The following SLC2A13 variants were observed in gnomAD, a reference collection of about 807,000 sequenced individuals.
SLC2A13 encodes the protein proton myo-inositol cotransporter.
A neutral mutation model predicts 64.4 loss-of-function variants in SLC2A13; 32 were observed. The ratio of observed to expected loss-of-function variants is 0.50; its 90% confidence interval spans 0.37 to 0.67. The LOEUF is 0.67. SLC2A13 is among the 30% of genes least tolerant of loss of function. The probability of loss-of-function intolerance (pLI) is 0.00; values close to 1 mark genes in which losing one functional copy is unlikely to be tolerated. For synonymous variants in SLC2A13, 338 were observed against 327.1 expected (o/e 1.03, Z -0.36); for missense variants, 743 against 829.2 (o/e 0.90, Z 1.28).
At chr12:40,099,849 A>G (rs1216718824) in intron 1 of SLC2A13, among the ~76,000 whole-genome samples, 2 of 152,144 alleles carry the variant, frequency 1.3e-5, no homozygotes, top group Non-Finnish European at 2.9e-5. Flanking sequence ...AATCCAATAC[A>G]GAATTCCTGC....
intron 6 of SLC2A13, among the ~76,000 whole-genome samples, chr12:39,838,606 A>T (rs987265590): frequency 5.9e-5 from 9 of 152,036 alleles, no homozygotes; most frequent in Non-Finnish European, 1.3e-4. Context: ...AAACCTAAAA[A>T]TGCTTCCAAT....
intron 3 of SLC2A13, among the ~76,000 whole-genome samples, chr12:39,973,487 C>T (rs1946704465): frequency 6.6e-6 from 1 of 152,166 alleles, no homozygotes; most frequent in South Asian, 2.1e-4. Flanking sequence ...CTCATGACTC[C>T]CAAATCAACA....
At chr12:39,986,412 G>A (rs148156320) in intron 3 of SLC2A13, among the ~76,000 whole-genome samples, 7 of 152,110 alleles carry the variant, frequency 4.6e-5, no homozygotes, top group South Asian at 4.1e-4. Flanking sequence ...GAGGTGCTTC[G>A]TGATATGAAC....
intron 5 of SLC2A13, among the ~76,000 whole-genome samples, chr12:39,866,398 A>G (rs1406076250): frequency 6.6e-6 from 1 of 152,194 alleles, no homozygotes. Context: ...TCCATAATTC[A>G]ATGTTGTCTT....
intron 1 of SLC2A13, among the ~76,000 whole-genome samples, chr12:40,049,579 T>C (rs967569905): frequency 6.6e-6 from 1 of 152,126 alleles, no homozygotes; most frequent in Non-Finnish European, 1.5e-5. Context: ...TTTCCCTTTT[T>C]ATGTACACAG....
At chr12:39,872,146 A>C (rs139343060) in intron 4 of SLC2A13, among the ~76,000 whole-genome samples, 185 bp from the exon 5 acceptor site, 13 of 152,316 alleles carry the variant, frequency 8.5e-5, no homozygotes, top group African/African-American at 3.1e-4. Context: ...TGTTCAAATA[A>C]ATTTATTTTG....
chr12:39,907,592 A>G (rs962276661), intron 4 of SLC2A13: 1 of 152,136 alleles, frequency 6.6e-6, no homozygotes, highest in African/African-American at 2.4e-5. Flanking sequence ...TTAAACGATG[A>G]TCTAATTTTG....
Position 39,781,696 on chromosome 12 carries a change from G to C in SLC2A13, c.1446-16838C>G, listed in dbSNP as rs924333307. ...TTGGAAGTTATATTTTAACAGCATA[G>C]TTATTTTCCAACACACACAAACACA... is the stretch of plus-strand genomic sequence containing the variant. On this transcript the variant is annotated intron_variant, in intron 7 of 9. Coordinates refer to ENST00000280871, the MANE Select transcript of SLC2A13 (RefSeq NM_052885.4). Among the ~76,000 whole-genome samples the C allele has an allele frequency of 2.6e-5, 4 of 152,278 alleles. No homozygotes were observed. In the South Asian group the frequency reaches 8.3e-4, roughly 32 times the overall value.
intron 6 of SLC2A13, among the ~76,000 whole-genome samples, chr12:39,856,257 C>T (rs1286646739): frequency 6.6e-6 from 1 of 152,142 alleles, no homozygotes; most frequent in Non-Finnish European, 1.5e-5. Context: ...ATCCATCCAT[C>T]CATTCATCCA....
At chr12:40,064,950 A>C (rs895900933) in intron 1 of SLC2A13, among the ~76,000 whole-genome samples, 1 of 152,212 alleles carries the variant, frequency 6.6e-6, no homozygotes, top group Admixed American at 6.5e-5. Context: ...GAGCATTTAA[A>C]AACTAAATAT....
At chr12:39,824,227 G>T (rs1283577322) in intron 7 of SLC2A13, among the ~76,000 whole-genome samples, 3 of 152,154 alleles carry the variant, frequency 2.0e-5, no homozygotes, top group Non-Finnish European at 4.4e-5. Context: ...CAGGGGTTTT[G>T]AATGGTCCTA....
chr12:39,836,076 A>C (rs1942995485), intron 6 of SLC2A13, among the ~76,000 whole-genome samples: 1 of 152,138 alleles, frequency 6.6e-6, no homozygotes, highest in African/African-American at 2.4e-5. Flanking sequence ...GAAAAGCCAG[A>C]GAAAGAAAGA....
Position 39,933,920 on chromosome 12 carries a change from G to A in SLC2A13, c.1034+17337C>T, listed in dbSNP as rs149133422. On this transcript the variant is annotated intron_variant, in intron 4 of 9. Coordinates refer to ENST00000280871, the MANE Select transcript of SLC2A13 (RefSeq NM_052885.4). Reference sequence around the variant, plus strand: ...ATAAATTACTCAAGGTAGCACAAGTGGTCAGGAAACAAGAAATTTGATTCC... The same window carrying A: ...ATAAATTACTCAAGGTAGCACAAGTAGTCAGGAAACAAGAAATTTGATTCC... Among the ~76,000 whole-genome samples the A allele has an allele frequency of 6.6e-3, 1,002 of 152,148 alleles. 6 individuals are homozygous for A. Among genetic ancestry groups the A allele is most frequent in the African/African-American group, 0.023 (962 of 41,526 alleles).
chr12:39,862,537 A>C (rs1943790233), intron 6 of SLC2A13, among the ~76,000 whole-genome samples: 1 of 152,232 alleles, frequency 6.6e-6, no homozygotes, highest in African/African-American at 2.4e-5. Context: ...CTAAGATATT[A>C]AACTACTTCT....
chr12:39,782,543 T>A (rs1241323845), intron 7 of SLC2A13, among the ~76,000 whole-genome samples: 1 of 152,166 alleles, frequency 6.6e-6, no homozygotes, highest in African/African-American at 2.4e-5. Context: ...CCTCTTTTTC[T>A]TCCCAGTTTT....
chr12:39,972,035 T>TA (rs1035199775), intron 3 of SLC2A13, among the ~76,000 whole-genome samples: 29 of 8,150 alleles, frequency 3.6e-3, no homozygotes, highest in Middle Eastern at 0.12. Context: ...TATAAATATA[T>TA]ATATAAATTA....
chr12:39,858,970 C>T (rs1394214970), intron 6 of SLC2A13, among the ~76,000 whole-genome samples: 3 of 152,028 alleles, frequency 2.0e-5, no homozygotes, highest in Non-Finnish European at 4.4e-5. Context: ...TTACAGTGCT[C>T]ATGTTAATGA....
At chr12:40,055,345 C>G (rs1948318290) in intron 1 of SLC2A13, among the ~76,000 whole-genome samples, 1 of 152,152 alleles carries the variant, frequency 6.6e-6, no homozygotes. Flanking sequence ...ATGTCATCAG[C>G]CTTTCAACTC....
chr12:40,049,697 AT>A (rs1948224757), intron 1 of SLC2A13, among the ~76,000 whole-genome samples: 1 of 152,076 alleles, frequency 6.6e-6, no homozygotes, highest in South Asian at 2.1e-4. Context: ...TTATAAGTGT[AT>A]TTTTCCTCTA....
Sources: gnomAD v4.1 joint callset for allele counts (sites outside exome capture counted in the v4.1 genomes callset) on GRCh38, gnomAD v4.1.1 for gene constraint, MANE v1.5 for transcripts, NCBI Gene and HGNC (gene_info 2026-07-23, HGNC 2026-07-21) for gene names.